MARK1: variants seen among roughly 807,000 people sequenced by gnomAD.
MARK1 encodes microtubule affinity regulating kinase 1.
MARK1 carries 40 observed loss-of-function variants against 96.3 expected under a neutral mutation model. The observed-to-expected ratio is 0.42, with a 90% CI of 0.32 to 0.54. The LOEUF is 0.54. Ranked by LOEUF, MARK1 falls within the 20% of genes least tolerant of loss-of-function variation. MARK1 has a pLI of 0.16. For synonymous variants in MARK1, 317 were observed against 341.2 expected, an observed-to-expected ratio of 0.93 and a Z score of 0.78; for missense variants, 719 against 984.6, an observed-to-expected ratio of 0.73 and a Z score of 3.61.
intron 11 of MARK1, among the ~76,000 whole-genome samples, chr1:220,633,219 T>C (rs555624111): frequency 1.3e-5 from 2 of 152,258 alleles, no homozygotes; most frequent in South Asian, 4.2e-4. Context: ...ACATTGGAGG[T>C]CACACTTCAA....
chr1:220,636,459 G>T (rs545308735), intron 13 of MARK1, among the ~76,000 whole-genome samples: 59 of 152,108 alleles, frequency 3.9e-4, no homozygotes, highest in Non-Finnish European at 6.5e-4. Flanking sequence ...CCATAAGGCA[G>T]CAGGAAAGAA....
intron 1 of MARK1, among the ~76,000 whole-genome samples, chr1:220,539,815 G>A (rs891997884): frequency 6.6e-5 from 10 of 151,752 alleles, no homozygotes; most frequent in Admixed American, 1.3e-4. Context: ...ATATGCATTA[G>A]GGATATTGAC....
intron 13 of MARK1, among the ~76,000 whole-genome samples, chr1:220,637,112 C>T (rs879791552): frequency 3.3e-5 from 5 of 152,108 alleles, no homozygotes; most frequent in South Asian, 4.1e-4. Flanking sequence ...TTTTACTACA[C>T]GGTGACCATT....
At chr1:220,569,636 A>G (rs531770645) in intron 1 of MARK1, among the ~76,000 whole-genome samples, 1 of 152,244 alleles carries the variant, frequency 6.6e-6, no homozygotes, top group South Asian at 2.1e-4. Context: ...AGCTGTTCCA[A>G]TACCATTTGT....
At chr1:220,540,073 T>C (rs1292967253) in intron 1 of MARK1, among the ~76,000 whole-genome samples, 1 of 152,202 alleles carries the variant, frequency 6.6e-6, no homozygotes, top group Non-Finnish European at 1.5e-5. Context: ...TTTGTTTAGA[T>C]GTTCTATTTT....
chr1:220,615,636 T>C (rs976894425), intron 6 of MARK1, among the ~76,000 whole-genome samples: 6 of 152,180 alleles, frequency 3.9e-5, no homozygotes, highest in African/African-American at 1.2e-4. Flanking sequence ...AAACTATAAA[T>C]TGTACACATT....
intron 1 of MARK1, among the ~76,000 whole-genome samples, chr1:220,546,972 CAA>C (rs56026911): frequency 0.82 from 107,457 of 131,146 alleles, 46,454 homozygotes; most frequent in East Asian, 0.97. Flanking sequence ...ACTCCGTCTC[CAA>C]AAAAAAAAAA....
At chr1:220,590,480 T>C (rs1036545627) in intron 3 of MARK1, among the ~76,000 whole-genome samples, 3 of 152,182 alleles carry the variant, frequency 2.0e-5, no homozygotes, top group African/African-American at 7.2e-5. Flanking sequence ...ACCAGTCATA[T>C]TGGATTGGAA....
At chr1:220,575,419 TTAATC>T (rs1663765087) in intron 1 of MARK1, among the ~76,000 whole-genome samples, 1 of 152,208 alleles carries the variant, frequency 6.6e-6, no homozygotes, top group South Asian at 2.1e-4. Context: ...AATTCACTGT[TTAATC>T]TAGCATGAGC....
intron 1 of MARK1, among the ~76,000 whole-genome samples, chr1:220,538,642 C>A (rs1322198832): frequency 2.7e-4 from 41 of 150,960 alleles, no homozygotes; most frequent in African/African-American, 8.7e-4. Flanking sequence ...ATGGCATTGA[C>A]TCTATAAATT....
At chr1:220,629,039 T>G (rs1293034068) in intron 9 of MARK1, among the ~76,000 whole-genome samples, 2 of 152,102 alleles carry the variant, frequency 1.3e-5, no homozygotes, top group African/African-American at 4.8e-5. Context: ...TTCTGGTGAT[T>G]AGCTTTAGGT....
chr1:220,564,271 C>T (rs1048560517), intron 1 of MARK1, among the ~76,000 whole-genome samples: 2 of 152,088 alleles, frequency 1.3e-5, no homozygotes, highest in East Asian at 1.9e-4. Flanking sequence ...GGCTTTGTGA[C>T]ATCTAATGAG....
chr1:220,577,393 G>A (rs1663937609), intron 1 of MARK1, among the ~76,000 whole-genome samples: 1 of 152,226 alleles, frequency 6.6e-6, no homozygotes, highest in African/African-American at 2.4e-5. Context: ...TAGAAATTAA[G>A]TACTATAATT....
chr1:220,591,874 G>T (rs115960238), intron 3 of MARK1, among the ~76,000 whole-genome samples: 1,693 of 152,006 alleles, frequency 0.011, 28 homozygotes, highest in African/African-American at 0.039. Flanking sequence ...TAATTAATGA[G>T]AGAATTGAAT....
In MARK1 at chr1:220,600,746, G is replaced by A. The variant is rs148440639; in HGVS notation, c.424+883G>A. Among the ~76,000 whole-genome samples, 1,045 of 152,218 alleles carry A rather than the reference G, an allele frequency of 6.9e-3. 17 individuals are homozygous for A. The highest frequency in any genetic ancestry group is 0.022 in the African/African-American group (913 of 41,548). ...TTGCTAATCAATAGAAAAACTTAGT[G>A]TTGAACTTACTATTGAGCTCTTTTA... On this transcript the variant is annotated intron_variant, in intron 5 of 17. Coordinates refer to ENST00000366917, the MANE Select transcript of MARK1 (RefSeq NM_018650.5).
At chr1:220,565,472 A>G (rs1394957636) in intron 1 of MARK1, among the ~76,000 whole-genome samples, 1 of 151,720 alleles carries the variant, frequency 6.6e-6, no homozygotes, top group African/African-American at 2.4e-5. Flanking sequence ...ACAGAAGGAA[A>G]TGCTGAAATG....
intron 1 of MARK1, among the ~76,000 whole-genome samples, 153 bp downstream of exon 1, chr1:220,529,026 A>G (rs1047087510): frequency 5.3e-5 from 8 of 152,192 alleles, no homozygotes; most frequent in Non-Finnish European, 1.0e-4. Flanking sequence ...CCCACTGCTC[A>G]GCCCTATTCT....
chr1:220,601,153 C>T (rs905229510), intron 5 of MARK1, among the ~76,000 whole-genome samples: 1 of 152,044 alleles, frequency 6.6e-6, no homozygotes, highest in Non-Finnish European at 1.5e-5. Flanking sequence ...CTCCTGACCT[C>T]GTGATCTGCC....
At chr1:220,531,295 A>ACT (rs1174569714) in intron 1 of MARK1, among the ~76,000 whole-genome samples, 1 of 152,164 alleles carries the variant, frequency 6.6e-6, no homozygotes, top group East Asian at 1.9e-4. Context: ...GTCATTTTCA[A>ACT]TTACATGACA....
Sources: gnomAD v4.1 joint callset for allele counts (sites outside exome capture counted in the v4.1 genomes callset) on GRCh38, gnomAD v4.1.1 for gene constraint, MANE v1.5 for transcripts, NCBI Gene and HGNC (gene_info 2026-07-23, HGNC 2026-07-21) for gene names.